The following OLFM3 variants were observed in gnomAD, a reference collection of about 807,000 sequenced individuals.
OLFM3 encodes olfactomedin 3, also known as noelin-3.
A neutral mutation model predicts 48.6 loss-of-function variants in OLFM3; 20 were observed. The observed-to-expected ratio is 0.41, with a 90% CI of 0.29 to 0.60. The LOEUF is 0.60. OLFM3 is among the 20% of genes least tolerant of loss of function. The probability of loss-of-function intolerance (pLI) is 0.28; values close to 1 mark genes in which losing one functional copy is unlikely to be tolerated. For missense variants in OLFM3, 437 were observed against 544.3 expected (o/e 0.80, Z 1.96); for synonymous variants, 222 against 198.1 (o/e 1.12, Z -1.01).
At chr1:101,854,559 T>A (rs1656344278) in intron 1 of OLFM3, among the ~76,000 whole-genome samples, 2 of 151,920 alleles carry the variant, frequency 1.3e-5, no homozygotes, top group South Asian at 4.1e-4. Flanking sequence ...ATTGAAGAAG[T>A]GGGAAAATAT....
At chr1:101,843,298 G>A (rs1174658050) in intron 1 of OLFM3, among the ~76,000 whole-genome samples, 1 of 152,176 alleles carries the variant, frequency 6.6e-6, no homozygotes, top group Non-Finnish European at 1.5e-5. Context: ...AGAACAGCGG[G>A]TGTCTGCTGA....
At chr1:101,944,837 C>T (rs1287297196) in intron 1 of OLFM3, among the ~76,000 whole-genome samples, 1 of 151,206 alleles carries the variant, frequency 6.6e-6, no homozygotes, top group African/African-American at 2.4e-5. Context: ...CCAAGATTGC[C>T]CCACTGCACT....
intron 2 of OLFM3, among the ~76,000 whole-genome samples, chr1:101,835,162 G>A (rs1655341170): frequency 6.6e-6 from 1 of 152,138 alleles, no homozygotes; most frequent in Admixed American, 6.5e-5. Context: ...AAGATTTGGT[G>A]AAGAACATTG....
intron 1 of OLFM3, among the ~76,000 whole-genome samples, chr1:101,993,306 C>T (rs915396545): frequency 2.6e-5 from 4 of 152,110 alleles, no homozygotes; most frequent in Admixed American, 2.6e-4. Context: ...TAAAAATCTT[C>T]CTGCAACAGA....
At chr1:101,931,044 T>C (rs1010844510) in intron 1 of OLFM3, among the ~76,000 whole-genome samples, 3 of 152,234 alleles carry the variant, frequency 2.0e-5, no homozygotes, top group African/African-American at 7.2e-5. Context: ...ATAACTGTTA[T>C]GCAAAGCAGG....
Position 101,811,769 on chromosome 1 carries a change from A to T in OLFM3, c.593-5587T>A, listed in dbSNP as rs565354094. Among the ~76,000 whole-genome samples the T allele has an allele frequency of 2.2e-3, 333 of 152,236 alleles. 2 individuals carry two copies. The highest frequency in any genetic ancestry group is 0.01 in the Middle Eastern group (3 of 294). On this transcript the variant is annotated intron_variant, in intron 4 of 5. Coordinates refer to ENST00000370103, the MANE Select transcript of OLFM3 (RefSeq NM_058170.4). ...TAAACTAGTTCAACCATTGTGGAAG[A>T]CAGTGTGGCGATTCCTCAGGGATCT...
At chr1:101,814,317 A>G (rs1049223192) in intron 4 of OLFM3, among the ~76,000 whole-genome samples, 15 of 152,018 alleles carry the variant, frequency 9.9e-5, no homozygotes, top group Admixed American at 2.6e-4. Context: ...AGAGTTAACA[A>G]TAATGAGAAA....
intron 1 of OLFM3, among the ~76,000 whole-genome samples, chr1:101,887,527 T>C (rs531086403): frequency 5.3e-5 from 8 of 152,008 alleles, no homozygotes; most frequent in Non-Finnish European, 1.2e-4. Flanking sequence ...AGGTCAATAA[T>C]GTCTAGGACA....
chr1:101,979,636 T>A (rs1242940420), intron 1 of OLFM3, among the ~76,000 whole-genome samples: 2 of 152,194 alleles, frequency 1.3e-5, no homozygotes, highest in African/African-American at 4.8e-5. Flanking sequence ...AATGCCTGGA[T>A]GTCCAGGCAG....
intron 1 of OLFM3, chr1:101,837,713 C>T (rs906760132): frequency 7.2e-5 from 11 of 152,202 alleles, no homozygotes; most frequent in African/African-American, 2.7e-4. Flanking sequence ...TGTAGTTTTT[C>T]TGCAATTTAT....
At chr1:101,887,028 G>T (rs12750858) in intron 1 of OLFM3, among the ~76,000 whole-genome samples, 24,297 of 151,866 alleles carry the variant, frequency 0.16, 2,453 homozygotes, top group Middle Eastern at 0.24. Flanking sequence ...AGAACAATTA[G>T]CTAATACTCT....
intron 1 of OLFM3, among the ~76,000 whole-genome samples, chr1:101,924,295 A>T (rs1453472009): frequency 6.6e-6 from 1 of 152,190 alleles, no homozygotes. Context: ...CAATAAGCTT[A>T]CTATCAAAAC....
rs919346733 is a variant in OLFM3 at position 101,928,933 on chromosome 1, T to C, written c.69+67815A>G. 3.3e-5 allele frequency among the ~76,000 whole-genome samples: 5 copies of C among 152,124 alleles called. No individual in the cohort carries two copies. The East Asian group carries it at 9.6e-4, about 29-fold the overall frequency. On this transcript the variant is annotated intron_variant, in intron 1 of 5. Coordinates refer to ENST00000370103, the MANE Select transcript of OLFM3 (RefSeq NM_058170.4). ...GTTTGATGCTGTGGCTGTTTTGTTT[T>C]GCAACTTTCCTATAATCCATTGTTC... is the stretch of plus-strand genomic sequence containing the variant.
intron 1 of OLFM3, among the ~76,000 whole-genome samples, chr1:101,984,588 C>T (rs1002058026): frequency 4.6e-5 from 7 of 152,166 alleles, no homozygotes; most frequent in South Asian, 2.1e-4. Flanking sequence ...TTAGTAGAGA[C>T]GGGGTTTCAC....
chr1:101,854,495 T>G (rs1166986988), intron 1 of OLFM3, among the ~76,000 whole-genome samples: 1 of 152,014 alleles, frequency 6.6e-6, no homozygotes, highest in African/African-American at 2.4e-5. Context: ...AAAATGGATG[T>G]GTGGGAGAGA....
chr1:101,897,194 A>G (rs1411402438), intron 1 of OLFM3, among the ~76,000 whole-genome samples: 1 of 152,194 alleles, frequency 6.6e-6, no homozygotes, highest in Middle Eastern at 3.2e-3. Context: ...AAGAAATCAA[A>G]TGTTTATGCA....
intron 1 of OLFM3, among the ~76,000 whole-genome samples, chr1:101,861,367 A>T (rs17125607): frequency 0.011 from 1,685 of 151,620 alleles, 42 homozygotes; most frequent in African/African-American, 0.038. Flanking sequence ...CGGAGATTTG[A>T]TTATACTTTT....
chr1:101,818,484 T>C (rs1654443453), intron 4 of OLFM3, among the ~76,000 whole-genome samples: 1 of 152,148 alleles, frequency 6.6e-6, no homozygotes. Flanking sequence ...CTGTTTTTGG[T>C]AAATGACTTA....
At chr1:101,917,505 C>A (rs537481846) in intron 1 of OLFM3, among the ~76,000 whole-genome samples, 499 of 49,724 alleles carry the variant, frequency 0.01, 6 homozygotes, top group African/African-American at 0.032. Flanking sequence ...CAACCTCTGC[C>A]TCTCAGGTTC....
Sources: allele counts gnomAD v4.1 joint callset (sites outside exome capture counted in the v4.1 genomes callset), GRCh38; gene constraint gnomAD v4.1.1; transcripts MANE v1.5; gene names NCBI Gene and HGNC (gene_info 2026-07-23, HGNC 2026-07-21).